Variants in EYA2 observed in about 807,000 individuals in gnomAD.
EYA2 encodes EYA transcriptional coactivator and phosphatase 2.
EYA2 carries 31 observed loss-of-function variants against 69.2 expected under a neutral mutation model. That is an observed-to-expected ratio of 0.45 (90% CI 0.34 to 0.60). The LOEUF (loss-of-function observed/expected upper bound fraction) is 0.60. EYA2 is among the 20% of genes least tolerant of loss of function. The pLI, the probability that EYA2 is intolerant of heterozygous loss-of-function variation, is 0.02. For missense variants in EYA2, 622 were observed against 701.2 expected (o/e 0.89, Z 1.28); for synonymous variants, 257 against 279.4 (o/e 0.92, Z 0.80).
intron 9 of EYA2, among the ~76,000 whole-genome samples, chr20:47,123,941 A>C (rs2033114540): frequency 6.6e-6 from 1 of 151,724 alleles, no homozygotes; most frequent in Non-Finnish European, 1.5e-5. Context: ...GCAGTGTGCC[A>C]AGTGCACTCC....
intron 1 of EYA2, among the ~76,000 whole-genome samples, chr20:46,962,801 C>T (rs1979553252): frequency 6.6e-6 from 1 of 152,234 alleles, no homozygotes; most frequent in Non-Finnish European, 1.5e-5. Flanking sequence ...CACATCCCCA[C>T]TCTTACTGCT....
chr20:47,137,690 C>T lies in EYA2; in HGVS notation c.889-5369C>T, dbSNP rs973554947. 7.2e-5 allele frequency among the ~76,000 whole-genome samples: 11 copies of T among 152,206 alleles called. No homozygotes were observed. In the South Asian group the frequency reaches 8.3e-4, roughly 11 times the overall value. ...AAACTGATGGCTTTTGTCTTGTCCT[C>T]ACTCCAGATGTATTTCACATAAATT... On this transcript the variant is annotated intron_variant, in intron 9 of 15. Transcript: ENST00000327619.
intron 7 of EYA2, among the ~76,000 whole-genome samples, chr20:47,080,555 A>G (rs1437907448): frequency 3.9e-5 from 6 of 152,064 alleles, no homozygotes; most frequent in Non-Finnish European, 7.4e-5. Flanking sequence ...GTTAATAGGA[A>G]TAAGTTCAGA....
intron 2 of EYA2, among the ~76,000 whole-genome samples, chr20:46,996,972 T>G (rs1001739331): frequency 2.0e-5 from 3 of 151,898 alleles, no homozygotes; most frequent in African/African-American, 7.3e-5. Context: ...GGCTCGAGAC[T>G]ATGACATTTG....
intron 1 of EYA2, among the ~76,000 whole-genome samples, chr20:46,896,236 T>C (rs566237994): frequency 6.6e-6 from 1 of 152,232 alleles, no homozygotes; most frequent in East Asian, 1.9e-4. Flanking sequence ...ACAAAGGAAA[T>C]TATAACCAGT....
intron 5 of EYA2, among the ~76,000 whole-genome samples, chr20:47,031,400 A>G (rs1303874831): frequency 6.6e-6 from 1 of 152,192 alleles, no homozygotes; most frequent in Non-Finnish European, 1.5e-5. Flanking sequence ...GACTGCTGGG[A>G]TGAGTGGACT....
chr20:47,162,374 G>A (rs1333602872), intron 10 of EYA2, among the ~76,000 whole-genome samples: 1 of 151,978 alleles, frequency 6.6e-6, no homozygotes, highest in Non-Finnish European at 1.5e-5. Context: ...CATAGTCCCT[G>A]GCACATTGAA....
At chr20:46,913,688 G>A (rs1335252599) in intron 1 of EYA2, among the ~76,000 whole-genome samples, 3 of 152,166 alleles carry the variant, frequency 2.0e-5, no homozygotes, top group African/African-American at 7.2e-5. Flanking sequence ...AGAATTTGCT[G>A]AGGGATTGGC....
At chr20:47,035,409 C>G (rs989399739) in intron 5 of EYA2, among the ~76,000 whole-genome samples, 3 of 152,194 alleles carry the variant, frequency 2.0e-5, no homozygotes, top group African/African-American at 7.2e-5. Flanking sequence ...CACAATATCT[C>G]TTTCAAAGAT....
chr20:47,147,830 G>A (rs1174433872), intron 10 of EYA2, among the ~76,000 whole-genome samples: 1 of 152,084 alleles, frequency 6.6e-6, no homozygotes, highest in African/African-American at 2.4e-5. Context: ...AGGCCGAGGC[G>A]GGTGGATCAC....
intron 5 of EYA2, among the ~76,000 whole-genome samples, chr20:47,070,955 C>A (rs2031292515): frequency 6.6e-6 from 1 of 152,006 alleles, no homozygotes; most frequent in Non-Finnish European, 1.5e-5. Flanking sequence ...TTCAAGCAAT[C>A]CCCCCGCCTC....
At chr20:46,918,433 C>T (rs1351932306) in intron 1 of EYA2, among the ~76,000 whole-genome samples, 5 of 151,942 alleles carry the variant, frequency 3.3e-5, no homozygotes, top group East Asian at 3.9e-4. Context: ...CTCAGCCTCC[C>T]GAGTAACTGG....
intron 5 of EYA2, among the ~76,000 whole-genome samples, chr20:47,034,712 A>G (rs3827061): frequency 0.66 from 100,195 of 152,146 alleles, 35,615 homozygotes; most frequent in Non-Finnish European, 0.8. Flanking sequence ...AAGCACCACA[A>G]TCTGGGTCAC....
At chr20:47,148,533 T>C (rs1240633357) in intron 10 of EYA2, among the ~76,000 whole-genome samples, 1 of 151,814 alleles carries the variant, frequency 6.6e-6, no homozygotes, top group Non-Finnish European at 1.5e-5. Flanking sequence ...TATAAAAGTA[T>C]AGGCAACAGA....
chr20:47,087,102 G>A (rs993615566), intron 7 of EYA2, among the ~76,000 whole-genome samples: 1 of 152,132 alleles, frequency 6.6e-6, no homozygotes, highest in Non-Finnish European at 1.5e-5. Flanking sequence ...ACTCTGGGGA[G>A]GTGGAAAACA....
chr20:47,037,498 C>T (rs751271974), intron 5 of EYA2, among the ~76,000 whole-genome samples: 29 of 152,204 alleles, frequency 1.9e-4, no homozygotes, highest in Non-Finnish European at 3.7e-4. Flanking sequence ...CCACAAACTT[C>T]GTGGCTTAAA....
At chr20:47,053,641 T>C (rs1422256007) in intron 5 of EYA2, among the ~76,000 whole-genome samples, 1 of 121,156 alleles carries the variant, frequency 8.3e-6, no homozygotes. Flanking sequence ...CACTCCAGCC[T>C]GGGGGACAGG....
intron 8 of EYA2, 39 bp from the exon 9 acceptor site, chr20:47,097,046 G>C (rs2032267861): frequency 6.8e-7 from 1 of 1,479,714 alleles, no homozygotes; most frequent in Non-Finnish European, 9.4e-7. Flanking sequence ...ATGCACGTGA[G>C]TCCATTTTTC....
intron 1 of EYA2, among the ~76,000 whole-genome samples, chr20:46,975,724 G>T (rs985588858): frequency 2.4e-4 from 37 of 152,218 alleles, no homozygotes; most frequent in African/African-American, 8.7e-4. Context: ...AGACTAGCCT[G>T]GCCAACATGG....
Sources: gnomAD v4.1 joint callset for allele counts (sites outside exome capture counted in the v4.1 genomes callset) on GRCh38, gnomAD v4.1.1 for gene constraint, MANE v1.5 for transcripts, NCBI Gene and HGNC (gene_info 2026-07-23, HGNC 2026-07-21) for gene names.